MFHAS1: variants seen among roughly 807,000 people sequenced by gnomAD.
The protein encoded by MFHAS1 is multifunctional ROCO family signaling regulator 1.
MFHAS1 carries 50 observed loss-of-function variants against 70.4 expected under a neutral mutation model. That is an observed-to-expected ratio of 0.71 (90% CI 0.57 to 0.90). The LOEUF (loss-of-function observed/expected upper bound fraction) is 0.90, where lower values mean the gene tolerates loss of function less well. MFHAS1 is among the 40% of genes least tolerant of loss of function. The pLI is 0.00. For missense variants in MFHAS1, 1,795 were observed against 1,347.6 expected (o/e 1.33, Z -5.20); for synonymous variants, 952 against 620.0 (o/e 1.54, Z -7.96).
chr8:8,785,896 A>G lies in MFHAS1; in HGVS notation c.*126T>C. 1 of 914,348 alleles carries G rather than the reference A, an allele frequency of 1.1e-6. No individual in the cohort carries two copies. Among genetic ancestry groups the G allele is most frequent in the Non-Finnish European group, 1.8e-6 (1 of 564,682 alleles). 56.6% of individuals were successfully genotyped at this position (914,348 alleles called of 1,614,324 possible). ...CCAGTCGTCCAAAAAGCACCCTGCAAGCACGCGTTGTCACTCAAGTTCACA... is the reference window on the plus strand; with the variant it reads ...CCAGTCGTCCAAAAAGCACCCTGCAGGCACGCGTTGTCACTCAAGTTCACA... On this transcript the variant is annotated 3_prime_UTR_variant, in exon 3 of 3. Transcript: ENST00000276282.
intron 1 of MFHAS1, among the ~76,000 whole-genome samples, chr8:8,808,966 C>T (rs552275183): frequency 1.3e-5 from 2 of 152,172 alleles, no homozygotes; most frequent in Non-Finnish European, 2.9e-5. Flanking sequence ...CTGTTTACAG[C>T]CACTCCCCAT....
intron 1 of MFHAS1, among the ~76,000 whole-genome samples, chr8:8,819,771 T>C (rs1312794392): frequency 6.6e-6 from 1 of 152,108 alleles, no homozygotes; most frequent in Non-Finnish European, 1.5e-5. Flanking sequence ...TGATCACAGC[T>C]CATTGCAGCC....
At chr8:8,885,415 C>G (rs1218503904) in intron 1 of MFHAS1, among the ~76,000 whole-genome samples, 1 of 152,200 alleles carries the variant, frequency 6.6e-6, no homozygotes, top group Non-Finnish European at 1.5e-5. Context: ...ACAGTATTCA[C>G]TCATCTGCTT....
chr8:8,871,633 G>A (rs905603908), intron 1 of MFHAS1, among the ~76,000 whole-genome samples: 3 of 152,172 alleles, frequency 2.0e-5, no homozygotes, highest in South Asian at 2.1e-4. Context: ...CTGATAGCAG[G>A]TGTAAATGCT....
At chr8:8,808,955 T>G (rs1806441566) in intron 1 of MFHAS1, among the ~76,000 whole-genome samples, 1 of 152,180 alleles carries the variant, frequency 6.6e-6, no homozygotes, top group Non-Finnish European at 1.5e-5. Flanking sequence ...CAAAGCTTCA[T>G]CTGTTTACAG....
At chr8:8,864,187 G>T (rs1808774367) in intron 1 of MFHAS1, among the ~76,000 whole-genome samples, 1 of 152,094 alleles carries the variant, frequency 6.6e-6, no homozygotes, top group South Asian at 2.1e-4. Context: ...GGCTTTCTGT[G>T]CGGCAAGCAG....
intron 1 of MFHAS1, among the ~76,000 whole-genome samples, chr8:8,882,335 A>G (rs1481936758): frequency 6.6e-6 from 1 of 152,202 alleles, no homozygotes; most frequent in African/African-American, 2.4e-5. Context: ...GGTTGCAGTG[A>G]GCTCAGATAG....
intron 1 of MFHAS1, among the ~76,000 whole-genome samples, chr8:8,880,160 C>T (rs761669077): frequency 6.6e-6 from 1 of 152,180 alleles, no homozygotes; most frequent in Non-Finnish European, 1.5e-5. Flanking sequence ...TCCAAGATCT[C>T]CAATCAACAT....
intron 1 of MFHAS1, among the ~76,000 whole-genome samples, chr8:8,804,956 T>C (rs1806237855): frequency 6.6e-6 from 1 of 152,150 alleles, no homozygotes; most frequent in Non-Finnish European, 1.5e-5. Context: ...TTTGTTAAAA[T>C]TATTTTTTGG....
intron 1 of MFHAS1, among the ~76,000 whole-genome samples, chr8:8,832,137 A>G (rs1301363912): frequency 4.6e-5 from 7 of 151,476 alleles, no homozygotes; most frequent in Non-Finnish European, 2.9e-5. Flanking sequence ...GCAAAAGCCA[A>G]AATCACAAAC....
intron 2 of MFHAS1, among the ~76,000 whole-genome samples, chr8:8,797,073 T>G (rs143447660): frequency 7.2e-4 from 109 of 151,462 alleles, no homozygotes; most frequent in African/African-American, 2.4e-3. Context: ...AACTGTACAC[T>G]TAGGTAAGTG....
At chr8:8,869,756 A>G (rs548763420) in intron 1 of MFHAS1, among the ~76,000 whole-genome samples, 1 of 152,160 alleles carries the variant, frequency 6.6e-6, no homozygotes, top group Non-Finnish European at 1.5e-5. Flanking sequence ...ACATACACTT[A>G]AATCAGTCAT....
In MFHAS1 at chr8:8,892,190, G is replaced by A; in HGVS notation, c.869C>T (p.Ala290Val). ...CAGACCAGCCAGGGGCAGCAGCGCG[G>A]CAGGGAACTCCTCGAAGAGGTTGGA... The part of the protein sequence containing the change: ...LSSNLFEEFP[A>V]ALLPLAGLEE... The change falls in exon 1 of 3, where the codon GCC (alanine) becomes GTC (valine). Residue 290 changes from alanine to valine, a missense_variant. Transcript: ENST00000276282. The surrounding 1 kb of genome is among the most constrained non-coding windows in gnomAD (Gnocchi z 4.7). 2 of 1,609,982 alleles carry A rather than the reference G, an allele frequency of 1.2e-6. No homozygotes were observed. Among genetic ancestry groups the A allele is most frequent in the Non-Finnish European group, 1.7e-6 (2 of 1,179,998 alleles).
chr8:8,890,217 A>G lies in MFHAS1; in HGVS notation c.2842T>C (p.Ser948Pro). The G allele has an allele frequency of 1.2e-6, 2 of 1,614,160 alleles. No individual in the cohort carries two copies. Among genetic ancestry groups the G allele is most frequent in the Admixed American group, 3.3e-5 (2 of 60,018 alleles). ...PDTLSIASHA[S>P]LPNIWTAWQA... is the part of the protein sequence containing the mutation. The stretch of plus-strand genomic sequence containing the variant: ...CATGCGGTCCATATATTTGGTAATG[A>G]TGCATGGCTAGCAATGGACAGGGTG... Residue 948 changes from serine to proline, a missense_variant, in exon 1 of 3, where the codon TCA becomes CCA. Coordinates refer to ENST00000276282, the MANE Select transcript of MFHAS1 (RefSeq NM_004225.3).
intron 2 of MFHAS1, among the ~76,000 whole-genome samples, chr8:8,792,912 G>C (rs1362586621): frequency 1.3e-5 from 2 of 150,546 alleles, no homozygotes; most frequent in Non-Finnish European, 2.9e-5. Context: ...TTTGCTACTA[G>C]GTGAATGTTC....
At chr8:8,793,693 G>A (rs1805794369) in intron 2 of MFHAS1, among the ~76,000 whole-genome samples, 1 of 152,220 alleles carries the variant, frequency 6.6e-6, no homozygotes, top group Non-Finnish European at 1.5e-5. Flanking sequence ...TTGCCTTTGT[G>A]CTGCAGAGCA....
At chr8:8,861,466 A>C (rs1164901448) in intron 1 of MFHAS1, among the ~76,000 whole-genome samples, 1 of 152,234 alleles carries the variant, frequency 6.6e-6, no homozygotes, top group Non-Finnish European at 1.5e-5. Context: ...CACAATATTC[A>C]TATACAAAGG....
intron 1 of MFHAS1, among the ~76,000 whole-genome samples, chr8:8,804,284 G>A (rs908461383): frequency 6.6e-6 from 1 of 152,104 alleles, no homozygotes; most frequent in South Asian, 2.1e-4. Context: ...CAAAATGTAG[G>A]AATCCACTGA....
At chr8:8,887,219 C>T (rs1163887390) in intron 1 of MFHAS1, among the ~76,000 whole-genome samples, 1 of 152,138 alleles carries the variant, frequency 6.6e-6, no homozygotes, top group East Asian at 1.9e-4. Context: ...TTTTAATAAT[C>T]TAGGGATTCA....
Sources: allele counts gnomAD v4.1 joint callset (sites outside exome capture counted in the v4.1 genomes callset), GRCh38; gene constraint gnomAD v4.1.1; non-coding constraint Gnocchi (gnomAD v3.1); transcripts MANE v1.5; gene names NCBI Gene and HGNC (gene_info 2026-07-23, HGNC 2026-07-21).